Variants in TSHZ2 observed in about 807,000 individuals in gnomAD.
The protein encoded by TSHZ2 is teashirt zinc finger homeobox 2.
A neutral mutation model predicts 74.4 loss-of-function variants in TSHZ2; 21 were observed. The observed-to-expected ratio is 0.28, with a 90% CI of 0.20 to 0.41. TSHZ2 has a LOEUF of 0.41. TSHZ2 is among the 10% of genes least tolerant of loss of function. The probability of loss-of-function intolerance (pLI) is 1.00; values close to 1 mark genes in which losing one functional copy is unlikely to be tolerated. For synonymous variants in TSHZ2, 540 were observed against 515.3 expected (o/e 1.05, Z -0.65); for missense variants, 1,244 against 1,293.5 (o/e 0.96, Z 0.59).
chr20:52,984,670 C>T (rs1168165715), intron 1 of TSHZ2, among the ~76,000 whole-genome samples: 3 of 152,130 alleles, frequency 2.0e-5, no homozygotes, highest in Admixed American at 6.5e-5. Context: ...CAGGATCTGA[C>T]TTAGGTTTGA....
Position 52,972,998 on chromosome 20 carries a change from A to C in TSHZ2, c.-296A>C. ...AACCAAAAAAATTCCAAAAGCAAAA[A>C]CAAAAAAGAGAGAGGAAAAAAAATT... On this transcript the variant is annotated 5_prime_UTR_variant, in exon 1 of 3. Transcript: ENST00000371497. The C allele has an allele frequency of 2.6e-6, 1 of 387,574 alleles. No homozygotes were observed. Among genetic ancestry groups the C allele is most frequent in the Non-Finnish European group, 4.5e-6 (1 of 220,344 alleles). 24.0% of individuals were successfully genotyped at this position (387,574 alleles called of 1,614,324 possible).
chr20:53,200,683 G>A (rs1346596479), intron 1 of TSHZ2, among the ~76,000 whole-genome samples: 1 of 151,412 alleles, frequency 6.6e-6, no homozygotes, highest in African/African-American at 2.4e-5. Flanking sequence ...TTTGTATCCT[G>A]TTCTGGTTTT....
At chr20:53,192,009 A>T (rs1988748051) in intron 1 of TSHZ2, among the ~76,000 whole-genome samples, 1 of 152,190 alleles carries the variant, frequency 6.6e-6, no homozygotes, top group Non-Finnish European at 1.5e-5. Flanking sequence ...AGAAAAATTA[A>T]ATTAAATTTT....
chr20:53,363,965 T>C (rs1981163433), intron 2 of TSHZ2, among the ~76,000 whole-genome samples: 1 of 152,228 alleles, frequency 6.6e-6, no homozygotes, highest in Admixed American at 6.5e-5. Context: ...AAAATTATTT[T>C]TTCTATCAAG....
intron 1 of TSHZ2, among the ~76,000 whole-genome samples, chr20:53,050,080 CA>C (rs201397919): frequency 6.1e-4 from 65 of 106,798 alleles, no homozygotes; most frequent in African/African-American, 1.5e-3. Context: ...GACTCAATCT[CA>C]AAAAAAAAAA....
At chr20:53,479,783 G>A (rs1215090999) in intron 2 of TSHZ2, among the ~76,000 whole-genome samples, 1 of 152,158 alleles carries the variant, frequency 6.6e-6, no homozygotes, top group African/African-American at 2.4e-5. Flanking sequence ...ACAACTCAGG[G>A]GTAAAGCAGA....
intron 1 of TSHZ2, among the ~76,000 whole-genome samples, chr20:53,171,766 G>A (rs1319975206): frequency 6.6e-6 from 1 of 151,788 alleles, no homozygotes; most frequent in African/African-American, 2.4e-5. Flanking sequence ...TTTATTTTCT[G>A]GTTGACTTTG....
At chr20:53,460,841 C>A (rs1266341088) in intron 2 of TSHZ2, among the ~76,000 whole-genome samples, 1 of 152,176 alleles carries the variant, frequency 6.6e-6, no homozygotes, top group Non-Finnish European at 1.5e-5. Flanking sequence ...CTGGGGGGTG[C>A]CTCCCAGTTA....
At chr20:53,273,038 G>A (rs1470722510) in intron 2 of TSHZ2, among the ~76,000 whole-genome samples, 2 of 152,214 alleles carry the variant, frequency 1.3e-5, no homozygotes, top group East Asian at 3.8e-4. Flanking sequence ...AACATCCCAG[G>A]CAGGAGAAAC....
At chr20:53,159,017 A>G (rs1299203365) in intron 1 of TSHZ2, among the ~76,000 whole-genome samples, 2 of 152,264 alleles carry the variant, frequency 1.3e-5, no homozygotes, top group Non-Finnish European at 2.9e-5. Context: ...CTGACGACAG[A>G]TAGAAAGTAA....
chr20:53,343,874 G>A (rs1472955653), intron 2 of TSHZ2, among the ~76,000 whole-genome samples: 1 of 152,202 alleles, frequency 6.6e-6, no homozygotes, highest in Non-Finnish European at 1.5e-5. Flanking sequence ...AGGAGAGCCA[G>A]GCATGAATAG....
chr20:53,432,969 A>G (rs1983899351), intron 2 of TSHZ2, among the ~76,000 whole-genome samples: 1 of 152,186 alleles, frequency 6.6e-6, no homozygotes, highest in African/African-American at 2.4e-5. Flanking sequence ...TGTCTCTGTG[A>G]GTCTTTTGAT....
At chr20:52,990,809 C>T (rs1213103884) in intron 1 of TSHZ2, among the ~76,000 whole-genome samples, 7 of 152,148 alleles carry the variant, frequency 4.6e-5, no homozygotes, top group Non-Finnish European at 7.3e-5. Context: ...TTAGAAGGTC[C>T]ATGTGGTACA....
At chr20:52,995,787 ATTTT>A (rs11474850) in intron 1 of TSHZ2, among the ~76,000 whole-genome samples, 1 of 142,584 alleles carries the variant, frequency 7.0e-6, no homozygotes, top group Non-Finnish European at 1.5e-5. Flanking sequence ...TAATTTTTGT[ATTTT>A]TTTTTTTTTT....
chr20:53,447,064 C>A (rs562089525), intron 2 of TSHZ2, among the ~76,000 whole-genome samples: 4 of 152,346 alleles, frequency 2.6e-5, no homozygotes, highest in Admixed American at 2.6e-4. Flanking sequence ...CACTCCATCA[C>A]CTTCCTCCAA....
At chr20:53,120,990 C>T (rs1450863880) in intron 1 of TSHZ2, among the ~76,000 whole-genome samples, 2 of 149,558 alleles carry the variant, frequency 1.3e-5, no homozygotes, top group Admixed American at 6.7e-5. Flanking sequence ...CAAATGGCCT[C>T]TTTTTTTTTT....
Position 53,253,598 on chromosome 20 carries a change from A to T in TSHZ2, c.140A>T (p.Asp47Val). ...GSVAQLQGGN[D>V]TGTDEELETG... ...GTAGCTCAACTGCAGGGTGGCAATG[A>T]CACAGGGACGGACGAGGAGCTAGAA... The change falls in exon 2 of 3, where the codon GAC becomes GTC. Residue 47 changes from aspartate to valine, a missense_variant. Asp to Val is a radical substitution (Grantham distance 152). Transcript: ENST00000371497. 1 of 1,614,182 alleles carries T rather than the reference A, an allele frequency of 6.2e-7. No individual in the cohort carries two copies. The highest frequency in any genetic ancestry group is 8.5e-7 in the Non-Finnish European group (1 of 1,180,034).
At chr20:53,064,771 T>C (rs1005519319) in intron 1 of TSHZ2, among the ~76,000 whole-genome samples, 1 of 152,192 alleles carries the variant, frequency 6.6e-6, no homozygotes, top group Admixed American at 6.5e-5. Context: ...GCTGTGCTAA[T>C]GAAAGGGCCA....
At chr20:53,298,286 C>CAAAA (rs1991419775) in intron 2 of TSHZ2, among the ~76,000 whole-genome samples, 1 of 152,184 alleles carries the variant, frequency 6.6e-6, no homozygotes, top group Admixed American at 6.5e-5. Flanking sequence ...AGAACAAACA[C>CAAAA]GTAAACAAAA....
Sources: allele counts gnomAD v4.1 joint callset (sites outside exome capture counted in the v4.1 genomes callset), GRCh38; gene constraint gnomAD v4.1.1; transcripts MANE v1.5; gene names NCBI Gene and HGNC (gene_info 2026-07-23, HGNC 2026-07-21).